IL17RC: variants seen among roughly 807,000 people sequenced by gnomAD.
The protein encoded by IL17RC is interleukin-17 receptor C.
In IL17RC, 53 loss-of-function variants were observed where a neutral mutation model predicts 86.7. That is an observed-to-expected ratio of 0.61 (90% CI 0.49 to 0.77). IL17RC has a LOEUF of 0.77. Among genes scored for constraint, IL17RC ranks in the 30% least tolerant of loss-of-function variants. The pLI, the probability that IL17RC is intolerant of heterozygous loss-of-function variation, is 0.00. For missense variants in IL17RC, 957 were observed against 940.0 expected, an observed-to-expected ratio of 1.02 and a Z score of -0.24; for synonymous variants, 439 against 413.1, an observed-to-expected ratio of 1.06 and a Z score of -0.76.
intron 7 of IL17RC, 24 bp downstream of exon 7, chr3:9,920,993 G>C: frequency 2.0e-6 from 3 of 1,533,764 alleles, no homozygotes; most frequent in East Asian, 4.6e-5. Context: ...CCAGTGGGCC[G>C]GGGGTAGGGA....
At chr3:9,923,759 A>G in intron 7 of IL17RC, 122 bp from the exon 8 acceptor site, 1 of 1,075,494 alleles carries the variant, frequency 9.3e-7, no homozygotes. Flanking sequence ...AAATGATGAC[A>G]CACGCTCTGC....
intron 5 of IL17RC, among the ~76,000 whole-genome samples, chr3:9,920,117 C>A (rs1439851511): frequency 6.6e-6 from 1 of 152,072 alleles, no homozygotes; most frequent in Non-Finnish European, 1.5e-5. Flanking sequence ...ATGTCACAAG[C>A]AGTTGTAAGG....
At chr3:9,932,895 C>G (rs778786376) in intron 18 of IL17RC, 37 bp downstream of exon 18, 15 of 1,593,534 alleles carry the variant, frequency 9.4e-6, no homozygotes, top group Non-Finnish European at 1.2e-5. Flanking sequence ...GGGCCGCCCC[C>G]GGGGAGCCAG....
intron 5 of IL17RC, among the ~76,000 whole-genome samples, chr3:9,919,313 T>C (rs1296989676): frequency 7.0e-6 from 1 of 142,890 alleles, no homozygotes; most frequent in African/African-American, 2.5e-5. Flanking sequence ...TAAAGTTTTT[T>C]TGTTTTTGTT....
chr3:9,932,863 GT>G lies in IL17RC; in HGVS notation c.1522+6del. On this transcript the variant is annotated splice_donor_region_variant and intron_variant, in intron 18 of 18. Coordinates refer to ENST00000403601, the MANE Select transcript of IL17RC (RefSeq NM_153460.4). ...AACAGGACGTCCGCTCGGGGGGTGA[GT>G]GGGAGCAAGCGCTGGGCGGAGGGCC... 6.3e-7 allele frequency: 1 copy of G among 1,577,066 alleles called. No individual in the cohort carries two copies. Among genetic ancestry groups the G allele is most frequent in the Middle Eastern group, 1.7e-4 (1 of 5,866 alleles).
At chr3:9,931,708 T>C (rs1391655891) in intron 16 of IL17RC, among the ~76,000 whole-genome samples, 1 of 151,642 alleles carries the variant, frequency 6.6e-6, no homozygotes, top group African/African-American at 2.4e-5. Flanking sequence ...GGTTTCACCA[T>C]CTTGGCCAGG....
In IL17RC at chr3:9,933,359, A is replaced by C. The variant is rs745345902; in HGVS notation, c.1929A>C (p.Val643=). 6.2e-7 allele frequency: 1 copy of C among 1,611,556 alleles called. No individual in the cohort carries two copies. The highest frequency in any genetic ancestry group is 8.5e-7 in the Non-Finnish European group (1 of 1,179,222). The change falls in exon 19 of 19, where the codon GTA becomes GTC. Residue 643 remains valine (V), a synonymous_variant. Transcript: ENST00000403601. ...CFDRLLHPDA[V]PALFRTVPVF... is the part of the protein sequence containing the mutation. ...ACAGGCTGCTCCACCCGGACGCCGT[A>C]CCCGCCCTTTTCCGCACCGTGCCCG...
At chr3:9,922,055 C>G (rs1053066183) in intron 7 of IL17RC, among the ~76,000 whole-genome samples, 1 of 146,446 alleles carries the variant, frequency 6.8e-6, no homozygotes, top group Non-Finnish European at 1.5e-5. Context: ...TGGGTTCAAG[C>G]GATTCTCCTG....
Position 9,928,559 on chromosome 3 carries a change from C to T in IL17RC, c.1060-21C>T, listed in dbSNP as rs776904613. 2.2e-5 allele frequency: 36 copies of T among 1,613,892 alleles called. No homozygotes were observed. In the Middle Eastern group the frequency reaches 4.9e-4, roughly 22 times the overall value. ...CCGGGGGTCCCCTTTTGTGATCCCACCCATTCCTCTCTTTCCACAGAAGGT... is the reference window on the plus strand; with the variant it reads ...CCGGGGGTCCCCTTTTGTGATCCCATCCATTCCTCTCTTTCCACAGAAGGT... On this transcript the variant is annotated intron_variant, in intron 11 of 18. Transcript: ENST00000403601.
At chr3:9,923,291 C>T (rs1213523090) in intron 7 of IL17RC, among the ~76,000 whole-genome samples, 2 of 45,088 alleles carry the variant, frequency 4.4e-5, no homozygotes, top group Non-Finnish European at 8.1e-5. Flanking sequence ...TGGCTCACGT[C>T]TGCAATCCCA....
Position 9,930,387 on chromosome 3 carries a change from T to C in IL17RC, c.1279-13T>C. 1 of 1,613,930 alleles carries C rather than the reference T, an allele frequency of 6.2e-7. No individual in the cohort carries two copies. Among genetic ancestry groups the C allele is most frequent in the Non-Finnish European group, 8.5e-7 (1 of 1,179,964 alleles). On this transcript the variant is annotated splice_polypyrimidine_tract_variant and intron_variant, in intron 14 of 18. Coordinates refer to ENST00000403601, the MANE Select transcript of IL17RC (RefSeq NM_153460.4). This position sits in a 1 kb window ranked among gnomAD's most constrained non-coding sequence, Gnocchi z 5.8. ...CCTCCAGGTAACAGTGCCCCCATCC[T>C]TTGGCTTGGCAGAGGGCAGCTCGCC... is the stretch of plus-strand genomic sequence containing the variant.
intron 10 of IL17RC, 32 bp downstream of exon 10, chr3:9,928,252 G>A: frequency 6.2e-7 from 1 of 1,613,280 alleles, no homozygotes. Context: ...TGGGGTTGGG[G>A]TGTTGCGAGC....
In IL17RC at chr3:9,930,792, T is replaced by G. The variant is rs2084579867; in HGVS notation, c.1339-103T>G. ...CTGCAGGAACCTTAGCCGGGAGATA[T>G]GCATAGTTGATGCTGGGAATTTGGA... is the stretch of plus-strand genomic sequence containing the variant. On this transcript the variant is annotated intron_variant, in intron 15 of 18. Coordinates refer to ENST00000403601, the MANE Select transcript of IL17RC (RefSeq NM_153460.4). This position sits in a 1 kb window ranked among gnomAD's most constrained non-coding sequence, Gnocchi z 5.8. The G allele has an allele frequency of 1.0e-6, 1 of 992,942 alleles. No individual in the cohort carries two copies. The highest frequency in any genetic ancestry group is 1.6e-5 in the African/African-American group (1 of 63,086). The allele number at this position is 992,942 out of a possible 1,614,324, so 61.5% of individuals were successfully genotyped here. A position where few individuals can be genotyped will look rare whatever the true frequency, so the allele number is the denominator to read the frequency against.
rs1190758888 is a variant in IL17RC at position 9,917,418 on chromosome 3, C to T, written c.103C>T (p.Pro35Ser). 4 of 1,614,180 alleles carry T rather than the reference C, an allele frequency of 2.5e-6. No homozygotes were observed. The South Asian group carries it at 4.4e-5, about 18-fold the overall frequency. The change falls in exon 1 of 19, where the codon CCG becomes TCG. Residue 35 changes from proline (P) to serine (S), a missense_variant and splice_region_variant. By Grantham distance (74) the Pro-to-Ser change is moderately conservative (BLOSUM62 -1). Transcript: ENST00000403601. ...GCCTCAGGACGCTACCCACTGCTCTCCGGTGAGTCTGGAACCCTGGGGAGA... is the reference window on the plus strand; with the variant it reads ...GCCTCAGGACGCTACCCACTGCTCTTCGGTGAGTCTGGAACCCTGGGGAGA... ...VGPQDATHCSPGLSCRLWDSD... is the reference protein window; with the variant it reads ...VGPQDATHCSSGLSCRLWDSD...
In IL17RC at chr3:9,931,470, CATATATAT is replaced by C. The variant is rs1553593529; in HGVS notation, c.1387+553_1387+560del. Among the ~76,000 whole-genome samples, 91 of 43,752 alleles carry C rather than the reference CATATATAT, an allele frequency of 2.1e-3. 2 individuals are homozygous for C. The highest frequency in any genetic ancestry group is 4.3e-3 in the African/African-American group (86 of 20,108). 28.7% of individuals were successfully genotyped at this position (43,752 alleles called of 152,430 possible). On this transcript the variant is annotated intron_variant, in intron 16 of 18. Coordinates refer to ENST00000403601, the MANE Select transcript of IL17RC (RefSeq NM_153460.4). ...TATATATTTCACACACACACACACA[CATATATAT>C]ATATATATATATATATATATATATA...
At chr3:9,920,794 G>A in intron 6 of IL17RC, 131 bp from the exon 7 acceptor site, 1 of 801,310 alleles carries the variant, frequency 1.2e-6, no homozygotes, top group Non-Finnish European at 2.0e-6. Context: ...GGTTCTTTGA[G>A]CATTGGATAG....
chr3:9,924,340 G>T, intron 9 of IL17RC, 49 bp downstream of exon 9: 10 of 1,549,162 alleles, frequency 6.5e-6, no homozygotes, highest in Non-Finnish European at 8.9e-6. Context: ...GGAAGATGAT[G>T]ATGGGGGTGA....
chr3:9,928,363 G>A lies in IL17RC; in HGVS notation c.936G>A (p.Gln312=). The change falls in exon 11 of 19, where the codon CAG becomes CAA. Residue 312 remains glutamine (Q), a synonymous_variant. Coordinates refer to ENST00000403601, the MANE Select transcript of IL17RC (RefSeq NM_153460.4). The part of the protein sequence containing the change: ...QAARLQLLTL[Q]SWLLDAPCSL... ...CCCGACTGCAACTGCTGACCCTGCA[G>A]AGCTGGCTGCTGGACGCACCGTGCT... The A allele has an allele frequency of 1.2e-6, 2 of 1,606,036 alleles. No homozygotes were observed. The highest frequency in any genetic ancestry group is 1.7e-6 in the Non-Finnish European group (2 of 1,174,996).
At chr3:9,926,366 C>T (rs1447060607) in intron 9 of IL17RC, among the ~76,000 whole-genome samples, 2 of 152,002 alleles carry the variant, frequency 1.3e-5, no homozygotes, top group Admixed American at 1.3e-4. Flanking sequence ...GGCGATGGGC[C>T]ACCACACCCA....
Sources: allele counts gnomAD v4.1 joint callset (sites outside exome capture counted in the v4.1 genomes callset), GRCh38; gene constraint gnomAD v4.1.1; non-coding constraint Gnocchi (gnomAD v3.1); transcripts MANE v1.5; gene names NCBI Gene and HGNC (gene_info 2026-07-23, HGNC 2026-07-21).